The following NCOR1 variants were observed in gnomAD, a reference collection of about 807,000 sequenced individuals.
NCOR1 encodes the protein nuclear receptor corepressor 1, also known as protein phosphatase 1, regulatory subunit 109.
NCOR1 carries 63 observed loss-of-function variants against 288.1 expected under a neutral mutation model. The observed-to-expected ratio is 0.22, with a 90% confidence interval of 0.18 to 0.27. The LOEUF is 0.27. Ranked by LOEUF, NCOR1 falls within the 10% of genes least tolerant of loss-of-function variation. The pLI, the probability that NCOR1 is intolerant of heterozygous loss-of-function variation, is 1.00. For missense variants in NCOR1, 2,397 were observed against 3,019.2 expected, an observed-to-expected ratio of 0.79 and a Z score of 4.83; for synonymous variants, 1,007 against 1,065.9, an observed-to-expected ratio of 0.94 and a Z score of 1.08.
intron 42 of NCOR1, chr17:16,040,800 C>G (rs538638558): frequency 1.2e-4 from 42 of 356,654 alleles, no homozygotes; most frequent in African/African-American, 7.1e-4. Context: ...CAGGCTGAGG[C>G]GGTAGGACTG....
At chr17:16,199,214 A>ACACACACACACAC (rs1555813515) in intron 1 of NCOR1, among the ~76,000 whole-genome samples, 1 of 111,746 alleles carries the variant, frequency 8.9e-6, no homozygotes, top group African/African-American at 3.4e-5. Context: ...GAAAAAAAAA[A>ACACACACACACAC]AAACACACAC....
rs2152973590 is a variant in NCOR1, at chr17:16,098,381, C to G, written c.2806G>C (p.Val936Leu). 2 of 1,613,896 alleles carry G rather than the reference C, an allele frequency of 1.2e-6. No homozygotes were observed. Among genetic ancestry groups the G allele is most frequent in the Non-Finnish European group, 1.7e-6 (2 of 1,179,982 alleles). Residue 936 changes from valine to leucine, a missense_variant, in exon 21 of 46, where the codon GTT becomes CTT. Physicochemically the swap from Val to Leu is conservative, Grantham distance 32. Coordinates refer to ENST00000268712, the MANE Select transcript of NCOR1 (RefSeq NM_006311.4). Reference sequence around the variant, plus strand: ...TAAAAACTTACCATTGGTGGGATAACAGCAGCTCGATGCTGAAGCTGTGGC... The same window carrying G: ...TAAAAACTTACCATTGGTGGGATAAGAGCAGCTCGATGCTGAAGCTGTGGC... Reference protein sequence around the residue: ...DLPQLQHRAAVIPPMVSCTPC... With the variant: ...DLPQLQHRAALIPPMVSCTPC...
chr17:16,145,533 CG>C (rs1248585131), intron 10 of NCOR1, among the ~76,000 whole-genome samples: 1 of 143,072 alleles, frequency 7.0e-6, no homozygotes. Context: ...AACTGAGGAG[CG>C]TCTCTGCCCC....
intron 25 of NCOR1, 85 bp downstream of exon 25, chr17:16,080,323 C>A: frequency 2.7e-6 from 3 of 1,112,470 alleles, no homozygotes; most frequent in Non-Finnish European, 2.5e-6. Flanking sequence ...TTAAAAAAGC[C>A]CATCATTAAA....
rs1032055429 is a variant in NCOR1, at chr17:16,103,725, C to G, written c.2183-1968G>C. Reference sequence around the variant, plus strand: ...ACTCAAACATCACATGCTTAAAAAGCCTTCTATGGGCTGGGCGCACTGGCT... The same window carrying G: ...ACTCAAACATCACATGCTTAAAAAGGCTTCTATGGGCTGGGCGCACTGGCT... On this transcript the variant is annotated intron_variant, in intron 19 of 45. Coordinates refer to ENST00000268712, the MANE Select transcript of NCOR1 (RefSeq NM_006311.4). 3.9e-5 allele frequency among the ~76,000 whole-genome samples: 6 copies of G among 152,306 alleles called. No individual in the cohort carries two copies. The South Asian group carries it at 1.0e-3, about 26-fold the overall frequency.
chr17:16,155,385 ACACACACC>A (rs1568368177), intron 6 of NCOR1, among the ~76,000 whole-genome samples: 1 of 151,382 alleles, frequency 6.6e-6, no homozygotes, highest in East Asian at 1.9e-4. Context: ...ACACACACAC[ACACACACC>A]CACAAAGATA....
chr17:16,065,270 C>T (rs893277881), intron 33 of NCOR1, among the ~76,000 whole-genome samples: 1 of 152,156 alleles, frequency 6.6e-6, no homozygotes, highest in African/African-American at 2.4e-5. Context: ...ATTACAAATA[C>T]TCAGCACAAG....
intron 8 of NCOR1, 184 bp downstream of exon 8, chr17:16,151,762 C>CA: frequency 1.0e-6 from 1 of 992,224 alleles, no homozygotes; most frequent in Non-Finnish European, 1.5e-6. Context: ...CTCGGAAACT[C>CA]AAAGCTGTTA....
At chr17:16,144,907 C>CCCCTCT (rs1193260622) in intron 10 of NCOR1, among the ~76,000 whole-genome samples, 12 of 150,176 alleles carry the variant, frequency 8.0e-5, no homozygotes, top group Admixed American at 4.6e-4. Context: ...TCCACGGTCT[C>CCCCTCT]CCCTCTCCCT....
Position 16,209,506 on chromosome 17 carries a change from G to A in NCOR1, c.-71+5856C>T, listed in dbSNP as rs562736586. 8.6e-5 allele frequency among the ~76,000 whole-genome samples: 13 copies of A among 151,812 alleles called. No homozygotes were observed. In the South Asian group the frequency reaches 2.7e-3, roughly 32 times the overall value. On this transcript the variant is annotated intron_variant, in intron 1 of 45. Transcript: ENST00000268712. ...GGAGGCCATGGTGGGAGGATTACTTGAGCCCAGAATTCAAGACCAGGCTGG... is the reference window on the plus strand; with the variant it reads ...GGAGGCCATGGTGGGAGGATTACTTAAGCCCAGAATTCAAGACCAGGCTGG...
At chr17:16,190,817 T>C (rs781112101) in intron 2 of NCOR1, among the ~76,000 whole-genome samples, 18 of 152,220 alleles carry the variant, frequency 1.2e-4, no homozygotes, top group Non-Finnish European at 2.2e-4. Flanking sequence ...GAAACTATTT[T>C]CAGAAACTGA....
At chr17:16,174,388 C>T (rs1298682478) in intron 3 of NCOR1, among the ~76,000 whole-genome samples, 2 of 152,126 alleles carry the variant, frequency 1.3e-5, no homozygotes, top group African/African-American at 2.4e-5. Flanking sequence ...CCCTCAGTTG[C>T]CCCCTCAGCT....
Position 16,121,234 on chromosome 17 carries a change from G to A in NCOR1, c.1670C>T (p.Thr557Ile), listed in dbSNP as rs199931699. The A allele has an allele frequency of 3.6e-5, 58 of 1,613,942 alleles. No homozygotes were observed. In the East Asian group the frequency reaches 1.2e-3, roughly 34 times the overall value. ...CTCTCTTTCCTCAGTTTCTTCTGCT[G>A]TACCATCTATCTTGTCCTTTTCCTT... ...NTKEKDKIDG[T>I]AEETEEREQA... is the part of the protein sequence containing the mutation. The change falls in exon 16 of 46, where the codon ACA (threonine) becomes ATA (isoleucine). Residue 557 changes from threonine to isoleucine, a missense_variant. Thr to Ile is a moderately conservative substitution (Grantham distance 89, BLOSUM62 -1). Around this residue, in one of 11 missense-constraint regions of NCOR1, gnomAD observed 113 missense variants for 139.5 expected, o/e 0.81. Coordinates refer to ENST00000268712, the MANE Select transcript of NCOR1 (RefSeq NM_006311.4).
At chr17:16,195,701 AT>A (rs1431910603) in intron 1 of NCOR1, among the ~76,000 whole-genome samples, 4 of 152,122 alleles carry the variant, frequency 2.6e-5, no homozygotes, top group Non-Finnish European at 5.9e-5. Context: ...ATTCTAGCAC[AT>A]TTCCTCTTAC....
At chr17:16,145,905 G>A (rs1008337478) in intron 10 of NCOR1, among the ~76,000 whole-genome samples, 11 of 152,196 alleles carry the variant, frequency 7.2e-5, no homozygotes, top group Admixed American at 2.0e-4. Context: ...TACTGTGTCC[G>A]TGTGGAGGGA....
chr17:16,143,746 A>T, intron 10 of NCOR1, 50 bp from the exon 11 acceptor site: 1 of 1,323,062 alleles, frequency 7.6e-7, no homozygotes, highest in Non-Finnish European at 1.1e-6. Flanking sequence ...TTATATAAAG[A>T]CATATCAATT....
chr17:16,135,997 G>C (rs2076341678), intron 14 of NCOR1, among the ~76,000 whole-genome samples: 2 of 152,186 alleles, frequency 1.3e-5, no homozygotes, highest in Non-Finnish European at 2.9e-5. Flanking sequence ...TCCGGGTGTA[G>C]ACAGCAAAAG....
In NCOR1 at chr17:16,039,640, T is replaced by C; in HGVS notation, c.6748A>G (p.Arg2250Gly). The C allele has an allele frequency of 6.2e-7, 1 of 1,613,806 alleles. No homozygotes were observed. Among genetic ancestry groups the C allele is most frequent in the Non-Finnish European group, 8.5e-7 (1 of 1,179,832 alleles). Residue 2250 changes from arginine (R) to glycine (G), a missense_variant, in exon 44 of 46, where the codon AGA becomes GGA. Physicochemically the swap from Arg to Gly is moderately radical, Grantham distance 125. This residue lies in a region of NCOR1 where 1,872 missense variants were observed against 2,187.8 expected (regional missense o/e 0.86). Transcript: ENST00000268712. ...GCAGGATCAGCAAAAGAATGGCCTCTAGAGCTAACTGAGCCTGAAAGAGAA... is the reference window on the plus strand; with the variant it reads ...GCAGGATCAGCAAAAGAATGGCCTCCAGAGCTAACTGAGCCTGAAAGAGAA... Reference protein sequence around the residue: ...AVTTSGSVSSRGHSFADPASN... With the variant: ...AVTTSGSVSSGGHSFADPASN...
At chr17:16,187,967 T>C (rs2087070449) in intron 2 of NCOR1, among the ~76,000 whole-genome samples, 1 of 150,182 alleles carries the variant, frequency 6.7e-6, no homozygotes, top group South Asian at 2.1e-4. Flanking sequence ...AATGAATTGG[T>C]GGTTGTCAAA....
Sources: gnomAD v4.1 joint callset for allele counts (sites outside exome capture counted in the v4.1 genomes callset) on GRCh38, gnomAD v4.1.1 for gene constraint, gnomAD v4.1.1 regional missense constraint, MANE v1.5 for transcripts, NCBI Gene and HGNC (gene_info 2026-07-23, HGNC 2026-07-21) for gene names.